Variants in FAM193A observed in about 807,000 individuals in gnomAD.
The protein encoded by FAM193A is protein FAM193A.
In FAM193A, 22 loss-of-function variants were observed where a neutral mutation model predicts 126.5. The observed-to-expected ratio is 0.17, with a 90% CI of 0.12 to 0.25. The LOEUF is 0.25. Among genes scored for constraint, FAM193A ranks in the 10% least tolerant of loss-of-function variants. The pLI is 1.00. For synonymous variants in FAM193A, 761 were observed against 646.8 expected, an observed-to-expected ratio of 1.18 and a Z score of -2.68; for missense variants, 1,675 against 1,672.8, an observed-to-expected ratio of 1.00 and a Z score of -0.02.
chr4:2,710,348 T>C (rs73189411), intron 19 of FAM193A, among the ~76,000 whole-genome samples: 57,840 of 151,214 alleles, frequency 0.38, 11,748 homozygotes, highest in Admixed American at 0.55. Context: ...CTAATTTTTG[T>C]ATATTTAGTA....
intron 6 of FAM193A, among the ~76,000 whole-genome samples, chr4:2,645,338 A>G (rs552891594): frequency 6.6e-6 from 1 of 152,236 alleles, no homozygotes; most frequent in South Asian, 2.1e-4. Context: ...AATAATCTAC[A>G]TGTGTCTCCA....
chr4:2,569,498 T>G (rs1739167253), intron 1 of FAM193A, among the ~76,000 whole-genome samples: 1 of 152,176 alleles, frequency 6.6e-6, no homozygotes, highest in Non-Finnish European at 1.5e-5. Context: ...TTTTTATTAT[T>G]ATTAAAACAA....
intron 1 of FAM193A, among the ~76,000 whole-genome samples, chr4:2,582,536 G>A (rs761167621): frequency 7.4e-4 from 113 of 152,054 alleles, no homozygotes; most frequent in Admixed American, 5.9e-4. Flanking sequence ...AATTAGTTGT[G>A]TATCCAGTTG....
intron 1 of FAM193A, among the ~76,000 whole-genome samples, chr4:2,577,423 TTTTTTTTTTTTTTGA>T (rs912712282): frequency 5.3e-4 from 46 of 86,414 alleles, no homozygotes; most frequent in African/African-American, 3.4e-3. Context: ...TTTTTTTTTG[TTTTTTTTTTTTTTGA>T]GACAGAGTCT....
At chr4:2,718,983 CA>C (rs962924727) in intron 20 of FAM193A, among the ~76,000 whole-genome samples, 3 of 152,108 alleles carry the variant, frequency 2.0e-5, no homozygotes, top group African/African-American at 7.2e-5. Context: ...ACCAAACTTT[CA>C]GACTTTGAAA....
chr4:2,612,406 G>A (rs1207650731), intron 2 of FAM193A, among the ~76,000 whole-genome samples: 1 of 151,952 alleles, frequency 6.6e-6, no homozygotes, highest in Non-Finnish European at 1.5e-5. Context: ...GGCTGAGGCA[G>A]GAGAATCACT....
intron 13 of FAM193A, among the ~76,000 whole-genome samples, chr4:2,679,542 G>A (rs1316804838): frequency 6.6e-6 from 1 of 151,776 alleles, no homozygotes; most frequent in Non-Finnish European, 1.5e-5. Context: ...ACGAGGCCCG[G>A]CTAATTTTGT....
chr4:2,615,107 G>A (rs745686255), intron 2 of FAM193A: 1 of 151,040 alleles, frequency 6.6e-6, no homozygotes, highest in Non-Finnish European at 1.5e-5. Flanking sequence ...TACTTATTTT[G>A]TATTTATTTA....
intron 20 of FAM193A, among the ~76,000 whole-genome samples, chr4:2,716,359 C>G (rs571878019): frequency 6.6e-6 from 1 of 152,192 alleles, no homozygotes; most frequent in Non-Finnish European, 1.5e-5. Context: ...GGCTTCCCCC[C>G]CACCCTTCCC....
intron 1 of FAM193A, among the ~76,000 whole-genome samples, chr4:2,554,293 CA>C (rs1200249638): frequency 2.6e-5 from 4 of 152,040 alleles, no homozygotes; most frequent in Non-Finnish European, 5.9e-5. Flanking sequence ...CCACGTTGGC[CA>C]GGCTGGTCTT....
At chr4:2,704,736 C>G (rs1718119364) in intron 19 of FAM193A, among the ~76,000 whole-genome samples, 1 of 152,074 alleles carries the variant, frequency 6.6e-6, no homozygotes, top group Non-Finnish European at 1.5e-5. Flanking sequence ...TAACTGTTGC[C>G]AATCCGTTAG....
At chr4:2,588,346 T>G (rs985478649) in intron 1 of FAM193A, among the ~76,000 whole-genome samples, 3 of 152,250 alleles carry the variant, frequency 2.0e-5, no homozygotes, top group Admixed American at 2.0e-4. Flanking sequence ...CATAACATTT[T>G]TAGTCATCAG....
intron 1 of FAM193A, among the ~76,000 whole-genome samples, chr4:2,587,653 T>C (rs1444946621): frequency 6.6e-6 from 1 of 152,178 alleles, no homozygotes; most frequent in East Asian, 1.9e-4. Context: ...AAGATCGTGC[T>C]ACTGCAGTCC....
In FAM193A at chr4:2,693,751, C is replaced by T. The variant is rs542875092; in HGVS notation, c.2969C>T (p.Ala990Val). ...ASTPHLANLA[A>V]PSFPKTATTT... Reference sequence around the variant, plus strand: ...ACACCTCACCTTGCAAATCTTGCAGCCCCATCATTCCCCAAAACAGCAACC... The same window carrying T: ...ACACCTCACCTTGCAAATCTTGCAGTCCCATCATTCCCCAAAACAGCAACC... The change falls in exon 16 of 21, where the codon GCC (alanine) becomes GTC (valine). Residue 990 changes from alanine to valine, a missense_variant. Physicochemically the swap from Ala to Val is moderately conservative, Grantham distance 64. Around this residue, in one of 4 missense-constraint regions of FAM193A, gnomAD observed 1,186 missense variants for 1,109.2 expected, o/e 1.07. Transcript: ENST00000637812. The T allele has an allele frequency of 3.1e-5, 50 of 1,614,224 alleles. No homozygotes were observed. The South Asian group carries it at 5.3e-4, about 17-fold the overall frequency.
chr4:2,652,249 G>C (rs542237076), intron 7 of FAM193A, among the ~76,000 whole-genome samples: 1 of 152,120 alleles, frequency 6.6e-6, no homozygotes, highest in Admixed American at 6.5e-5. Context: ...AACAGGAGAC[G>C]CTGGCCTATT....
In FAM193A at chr4:2,672,134, C is replaced by T. The variant is rs1208793567; in HGVS notation, c.2093C>T (p.Pro698Leu). ...SYPTQQAEQA[P>L]NTCECHVCKQ... Reference sequence around the variant, plus strand: ...CTTTCCTCTTAGGCTGAACAAGCTCCAAACACTTGTGAATGTCATGTTTGT... The same window carrying T: ...CTTTCCTCTTAGGCTGAACAAGCTCTAAACACTTGTGAATGTCATGTTTGT... The change falls in exon 13 of 21, where the codon CCA (proline) becomes CTA (leucine). Residue 698 changes from proline to leucine, a missense_variant. By Grantham distance (98) the Pro-to-Leu change is moderately conservative. Coordinates refer to ENST00000637812, the MANE Select transcript of FAM193A (RefSeq NM_001366318.2). 2.5e-6 allele frequency: 4 copies of T among 1,614,170 alleles called. No individual in the cohort carries two copies. The highest frequency in any genetic ancestry group is 3.4e-6 in the Non-Finnish European group (4 of 1,180,012).
At chr4:2,600,794 C>G (rs1329479247) in intron 2 of FAM193A, among the ~76,000 whole-genome samples, 1 of 152,182 alleles carries the variant, frequency 6.6e-6, no homozygotes, top group Non-Finnish European at 1.5e-5. Flanking sequence ...GGCCCATGAC[C>G]CATGGAATGC....
chr4:2,544,375 T>C (rs956940653), intron 1 of FAM193A, among the ~76,000 whole-genome samples: 5 of 152,124 alleles, frequency 3.3e-5, no homozygotes, highest in Non-Finnish European at 5.9e-5. Context: ...GCTTGAGCTA[T>C]GTAGTGAGAC....
At chr4:2,639,914 C>A in intron 6 of FAM193A, 55 bp downstream of exon 6, 1 of 1,569,224 alleles carries the variant, frequency 6.4e-7, no homozygotes, top group Non-Finnish European at 8.7e-7. Context: ...AGTCTTTTCT[C>A]CTGACTGGTG....
Sources: gnomAD v4.1 joint callset for allele counts (sites outside exome capture counted in the v4.1 genomes callset) on GRCh38, gnomAD v4.1.1 for gene constraint, gnomAD v4.1.1 regional missense constraint, MANE v1.5 for transcripts, NCBI Gene and HGNC (gene_info 2026-07-23, HGNC 2026-07-21) for gene names.